The following A2M variants were observed in gnomAD, a reference collection of about 807,000 sequenced individuals.
The protein encoded by A2M is alpha-2-macroglobulin.
A neutral mutation model predicts 183.9 loss-of-function variants in A2M; 128 were observed. That is an observed-to-expected ratio of 0.70 (90% CI 0.60 to 0.81). The LOEUF (loss-of-function observed/expected upper bound fraction) is 0.81, where lower values mean the gene tolerates loss of function less well. Among genes scored for constraint, A2M ranks in the 30% least tolerant of loss-of-function variants. The pLI is 0.00. For synonymous variants in A2M, 592 were observed against 670.8 expected (o/e 0.88, Z 1.81); for missense variants, 1,495 against 1,787.6 (o/e 0.84, Z 2.95).
intron 4 of A2M, 146 bp downstream of exon 4, chr12:9,112,013 G>GAAAACTCACCAACTC: frequency 1.2e-6 from 1 of 825,586 alleles, no homozygotes; most frequent in Non-Finnish European, 2.2e-6. Flanking sequence ...TGATGTTTTA[G>GAAAACTCACCAACTC]ATTAGGATCT....
intron 32 of A2M, 47 bp downstream of exon 32, chr12:9,070,439 CAT>C (rs765656536): frequency 4.1e-6 from 5 of 1,220,298 alleles, no homozygotes; most frequent in African/African-American, 1.5e-5. Context: ...GCTGGGGATA[CAT>C]ACATCATTAA....
At chr12:9,073,150 A>C (rs1948632737) in intron 29 of A2M, among the ~76,000 whole-genome samples, 2 of 152,208 alleles carry the variant, frequency 1.3e-5, no homozygotes, top group Admixed American at 1.3e-4. Flanking sequence ...GGAATGTGGA[A>C]AACATGTGAA....
In A2M at chr12:9,077,351, C is replaced by T. The variant is rs778490309; in HGVS notation, c.3346G>A (p.Val1116Ile). The T allele has an allele frequency of 5.6e-6, 9 of 1,612,988 alleles. No individual in the cohort carries two copies. Among genetic ancestry groups the T allele is most frequent in the Admixed American group, 1.7e-5 (1 of 59,874 alleles). ...TIALLEIPLT[V>I]THPVVRNALF... is the part of the protein sequence containing the mutation. Reference sequence around the variant, plus strand: ...AGGAATGGGGTGGTACCTACAGTGACTGTGAGAGGAATCTCCAGAAGGGCG... The same window carrying T: ...AGGAATGGGGTGGTACCTACAGTGATTGTGAGAGGAATCTCCAGAAGGGCG... Residue 1116 changes from valine (V) to isoleucine (I), a missense_variant, in exon 27 of 36, where the codon GTC becomes ATC. Physicochemically the swap from Val to Ile is conservative, Grantham distance 29 (BLOSUM62 3). Transcript: ENST00000318602.
chr12:9,100,715 C>A (rs1295731230), intron 13 of A2M, among the ~76,000 whole-genome samples: 2 of 152,236 alleles, frequency 1.3e-5, no homozygotes, highest in Admixed American at 6.5e-5. Flanking sequence ...TGGAAATGGT[C>A]TCTCGTTACT....
chr12:9,067,866 A>C (rs751662965), intron 35 of A2M, 27 bp from the exon 36 acceptor site: 5 of 1,608,874 alleles, frequency 3.1e-6, no homozygotes, highest in Middle Eastern at 1.7e-4. Context: ...AAAAAAAATT[A>C]AGACAGATTT....
chr12:9,068,062 G>T, intron 35 of A2M, 121 bp downstream of exon 35: 3 of 1,186,454 alleles, frequency 2.5e-6, no homozygotes, highest in Non-Finnish European at 2.4e-6. Flanking sequence ...CTATAATAAT[G>T]TGCAGTGTGA....
In A2M at chr12:9,106,477, T is replaced by C. The variant is rs1450945292; in HGVS notation, c.994+14A>G. ...CCTGTTGTGTTTTCTCTTATACCCA[T>C]GTAGTACACAAACCTGTTCCTTCTT... is the stretch of plus-strand genomic sequence containing the variant. On this transcript the variant is annotated intron_variant, in intron 9 of 35. Coordinates refer to ENST00000318602, the MANE Select transcript of A2M (RefSeq NM_000014.6). 4 of 1,526,294 alleles carry C rather than the reference T, an allele frequency of 2.6e-6. No homozygotes were observed. The highest frequency in any genetic ancestry group is 1.8e-6 in the Non-Finnish European group (2 of 1,107,872). 94.5% of individuals were successfully genotyped at this position (1,526,294 alleles called of 1,614,324 possible). A position where few individuals can be genotyped will look rare whatever the true frequency, so the allele number is the denominator to read the frequency against.
chr12:9,081,660 T>C (rs2137718031), intron 22 of A2M, among the ~76,000 whole-genome samples: 1 of 152,338 alleles, frequency 6.6e-6, no homozygotes, highest in Non-Finnish European at 1.5e-5. Context: ...TCCTTTAGGT[T>C]AGCACAATGC....
At chr12:9,090,968 C>A (rs1325900335) in intron 19 of A2M, among the ~76,000 whole-genome samples, 2 of 152,130 alleles carry the variant, frequency 1.3e-5, no homozygotes, top group African/African-American at 2.4e-5. Context: ...ACTTTTGTCA[C>A]CCCTGTCAGA....
chr12:9,078,395 A>C (rs959672497), intron 25 of A2M, among the ~76,000 whole-genome samples: 1 of 152,234 alleles, frequency 6.6e-6, no homozygotes, highest in African/African-American at 2.4e-5. Flanking sequence ...GCTGCATAGT[A>C]TTCCATGATG....
chr12:9,100,339 G>A (rs975897823), intron 13 of A2M, among the ~76,000 whole-genome samples: 1 of 152,100 alleles, frequency 6.6e-6, no homozygotes, highest in South Asian at 2.1e-4. Flanking sequence ...TTGAGAAGAG[G>A]TTCAAGAATA....
In A2M at chr12:9,087,672, A is replaced by G. The variant is rs914188116; in HGVS notation, c.2770+1528T>C. Among the ~76,000 whole-genome samples, 6 of 152,160 alleles carry G rather than the reference A, an allele frequency of 3.9e-5. 1 individual carries two copies. Among genetic ancestry groups the G allele is most frequent in the Non-Finnish European group, 8.8e-5 (6 of 67,988 alleles). On this transcript the variant is annotated intron_variant, in intron 22 of 35. Transcript: ENST00000318602. ...ATTTCAAATGTTCCCACCACAAAAC[A>G]TAAGTATTTCAGGTTAGCTTGATTT...
chr12:9,104,347 G>T lies in A2M; in HGVS notation c.1158C>A (p.Ile386=). The change falls in exon 11 of 36, where the codon ATC becomes ATA. Residue 386 remains isoleucine, a synonymous_variant. Coordinates refer to ENST00000318602, the MANE Select transcript of A2M (RefSeq NM_000014.6). The part of the protein sequence containing the change: ...GVPIPNKVIF[I]RGNEANYYSN... ...AGTAATAGTTTGCTTCATTTCCTCT[G>T]ATGAATATGACTTTATTTGGTATAG... is the stretch of plus-strand genomic sequence containing the variant. 1.9e-6 allele frequency: 3 copies of T among 1,607,170 alleles called. No homozygotes were observed. Among genetic ancestry groups the T allele is most frequent in the Non-Finnish European group, 2.6e-6 (3 of 1,176,300 alleles).
chr12:9,068,135 A>T lies in A2M; in HGVS notation c.4408+48T>A, dbSNP rs367556696. The T allele has an allele frequency of 1.6e-4, 254 of 1,604,560 alleles. No homozygotes were observed. The African/African-American group carries it at 2.8e-3, about 18-fold the overall frequency. ...TTATGAAGGAGAAGGTTTGGGGGGC[A>T]AGCTGAAGGAGCTCTGACTGCCTTT... is the stretch of plus-strand genomic sequence containing the variant. On this transcript the variant is annotated intron_variant, in intron 35 of 35. Coordinates refer to ENST00000318602, the MANE Select transcript of A2M (RefSeq NM_000014.6).
intron 4 of A2M, among the ~76,000 whole-genome samples, chr12:9,111,049 T>A (rs777188210): frequency 6.6e-6 from 1 of 152,300 alleles, no homozygotes; most frequent in African/African-American, 2.4e-5. Context: ...ATAGAATTCT[T>A]ACGTAGTTCT....
At chr12:9,093,672 A>C in intron 17 of A2M, 93 bp from the exon 18 acceptor site, 10 of 717,034 alleles carry the variant, frequency 1.4e-5, no homozygotes, top group Non-Finnish European at 1.9e-5. Flanking sequence ...AAAAACAAAA[A>C]ACAAATCGTC....
At chr12:9,090,212 G>T in intron 20 of A2M, 144 bp downstream of exon 20, 1 of 1,388,872 alleles carries the variant, frequency 7.2e-7, no homozygotes. Flanking sequence ...GGATATCCTT[G>T]TAGGCATCTT....
intron 22 of A2M, among the ~76,000 whole-genome samples, chr12:9,084,297 A>G (rs1026363100): frequency 3.3e-5 from 5 of 152,214 alleles, no homozygotes; most frequent in African/African-American, 1.2e-4. Context: ...AAAATACTCT[A>G]TGACTGTAAT....
intron 22 of A2M, 61 bp from the exon 23 acceptor site, chr12:9,080,238 G>A (rs1948870965): frequency 1.7e-6 from 2 of 1,180,858 alleles, no homozygotes; most frequent in East Asian, 2.6e-5. Context: ...TTTCTAAACA[G>A]CTCTATGACC....
Sources: gnomAD v4.1 joint callset for allele counts (sites outside exome capture counted in the v4.1 genomes callset) on GRCh38, gnomAD v4.1.1 for gene constraint, MANE v1.5 for transcripts, NCBI Gene and HGNC (gene_info 2026-07-23, HGNC 2026-07-21) for gene names.